Variants in EBF1 observed in about 807,000 individuals in gnomAD.
The protein encoded by EBF1 is EBF transcription factor 1.
In EBF1, 10 loss-of-function variants were observed where a neutral mutation model predicts 68.4. The observed-to-expected ratio is 0.15, with a 90% CI of 0.09 to 0.25. EBF1 has a LOEUF of 0.25. EBF1 is among the 10% of genes least tolerant of loss of function. The pLI is 1.00. For missense variants in EBF1, 509 were observed against 794.4 expected, an observed-to-expected ratio of 0.64 and a Z score of 4.32; for synonymous variants, 298 against 299.8, an observed-to-expected ratio of 0.99 and a Z score of 0.06.
intron 4 of EBF1, among the ~76,000 whole-genome samples, chr5:159,087,378 A>G (rs1780882869): frequency 6.8e-6 from 1 of 146,116 alleles, no homozygotes; most frequent in African/African-American, 2.5e-5. Flanking sequence ...ACACACATAT[A>G]TATACACATA....
chr5:159,062,619 C>T (rs552949329), intron 6 of EBF1, among the ~76,000 whole-genome samples: 231 of 152,302 alleles, frequency 1.5e-3, no homozygotes, highest in Middle Eastern at 6.8e-3. Context: ...GCGCTGCTTG[C>T]ACAGGGGTCT....
intron 6 of EBF1, among the ~76,000 whole-genome samples, chr5:159,016,972 T>C (rs1765725441): frequency 6.6e-6 from 1 of 152,190 alleles, no homozygotes; most frequent in South Asian, 2.1e-4. Context: ...AGAAATATAA[T>C]ACAAGTCACA....
At chr5:158,907,686 C>T (rs1241055935) in intron 6 of EBF1, among the ~76,000 whole-genome samples, 1 of 152,186 alleles carries the variant, frequency 6.6e-6, no homozygotes, top group East Asian at 1.9e-4. Context: ...TCTCCTCTTT[C>T]ACTACTATCA....
chr5:158,741,017 TTAG>T (rs1297528364), intron 10 of EBF1, among the ~76,000 whole-genome samples: 6 of 152,202 alleles, frequency 3.9e-5, no homozygotes, highest in African/African-American at 1.4e-4. Flanking sequence ...TTCCAGCAAC[TTAG>T]TAGGACATAC....
chr5:158,702,596 C>T (rs1290090323), intron 15 of EBF1, among the ~76,000 whole-genome samples: 1 of 151,686 alleles, frequency 6.6e-6, no homozygotes. Flanking sequence ...TGTGGTCGTA[C>T]CCAAACCACC....
At chr5:158,834,146 C>G (rs996738500) in intron 7 of EBF1, among the ~76,000 whole-genome samples, 1 of 152,264 alleles carries the variant, frequency 6.6e-6, no homozygotes, top group Non-Finnish European at 1.5e-5. Context: ...TCTTGTTCTT[C>G]CCTTACCACC....
intron 6 of EBF1, among the ~76,000 whole-genome samples, chr5:158,895,346 C>T (rs867116324): frequency 1.1e-4 from 16 of 152,228 alleles, no homozygotes; most frequent in Middle Eastern, 3.4e-3. Context: ...GGCAACATAG[C>T]GAGGCCCTGT....
At position 158,698,774 on chromosome 5, in the gene EBF1, A is replaced by T. The variant is rs1323651209; in HGVS notation, c.*337T>A. The T allele has an allele frequency of 4.1e-6, 1 of 242,006 alleles. No individual in the cohort carries two copies. Among genetic ancestry groups the T allele is most frequent in the East Asian group, 6.1e-5 (1 of 16,332 alleles). 15.0% of individuals were successfully genotyped at this position (242,006 alleles called of 1,614,324 possible). A position where few individuals can be genotyped will look rare whatever the true frequency, so the allele number is the denominator to read the frequency against. The stretch of plus-strand genomic sequence containing the variant: ...GAGTCTTATTTATAGTGTCCCTTGT[A>T]TAGAGCTTTACGGTTTATAAAAGAC... On this transcript the variant is annotated 3_prime_UTR_variant, in exon 16 of 16. Transcript: ENST00000313708.
chr5:159,023,299 A>T (rs115049173), intron 6 of EBF1, among the ~76,000 whole-genome samples: 3,047 of 152,354 alleles, frequency 0.02, 60 homozygotes, highest in Non-Finnish European at 0.028. Context: ...TGATAGATAC[A>T]GCACTAAAAA....
chr5:158,910,801 T>A (rs2127359801), intron 6 of EBF1, among the ~76,000 whole-genome samples: 1 of 152,318 alleles, frequency 6.6e-6, no homozygotes, highest in East Asian at 1.9e-4. Flanking sequence ...AGGACACCCC[T>A]TAAACAAAGG....
chr5:159,031,049 C>A (rs1244926385), intron 6 of EBF1, among the ~76,000 whole-genome samples: 4 of 152,022 alleles, frequency 2.6e-5, no homozygotes, highest in Non-Finnish European at 5.9e-5. Context: ...TGGTGTGTGC[C>A]TGTAATCCCA....
chr5:158,813,866 A>G (rs754053873), intron 8 of EBF1, among the ~76,000 whole-genome samples: 3 of 152,224 alleles, frequency 2.0e-5, no homozygotes, highest in Non-Finnish European at 4.4e-5. Context: ...AGAAGGGTTT[A>G]TGAACAGCAC....
At chr5:158,921,835 G>A (rs993365606) in intron 6 of EBF1, among the ~76,000 whole-genome samples, 3 of 152,218 alleles carry the variant, frequency 2.0e-5, no homozygotes, top group Non-Finnish European at 4.4e-5. Context: ...GCCAGAACCT[G>A]GGGAAAGATT....
chr5:159,030,742 T>C (rs1768629036), intron 6 of EBF1, among the ~76,000 whole-genome samples: 1 of 152,132 alleles, frequency 6.6e-6, no homozygotes, highest in Admixed American at 6.5e-5. Flanking sequence ...AAAAGGTGAA[T>C]TTAAGCCCAC....
chr5:158,966,645 G>A (rs557120321), intron 6 of EBF1, among the ~76,000 whole-genome samples: 2 of 152,198 alleles, frequency 1.3e-5, no homozygotes, highest in African/African-American at 4.8e-5. Flanking sequence ...TCTTTTTCCT[G>A]TACCTCCTAG....
At chr5:158,814,456 T>C (rs1783323267) in intron 8 of EBF1, among the ~76,000 whole-genome samples, 1 of 152,222 alleles carries the variant, frequency 6.6e-6, no homozygotes, top group South Asian at 2.1e-4. Context: ...ACACCACACT[T>C]TGTGCTTATT....
At chr5:158,835,103 A>T (rs1001687573) in intron 7 of EBF1, among the ~76,000 whole-genome samples, 1 of 152,242 alleles carries the variant, frequency 6.6e-6, no homozygotes, top group African/African-American at 2.4e-5. Context: ...AATGCTAAAA[A>T]GTATAGGTCT....
intron 6 of EBF1, among the ~76,000 whole-genome samples, chr5:158,859,197 C>A (rs1794578601): frequency 6.6e-6 from 1 of 152,188 alleles, no homozygotes; most frequent in South Asian, 2.1e-4. Context: ...GTCTTTAACT[C>A]AAATTAGAAT....
intron 6 of EBF1, among the ~76,000 whole-genome samples, chr5:158,843,167 G>C (rs1239332520): frequency 5.9e-5 from 9 of 152,044 alleles, no homozygotes; most frequent in Non-Finnish European, 1.3e-4. Context: ...GCTTCCCCAG[G>C]GTTGGTAATA....
Sources: allele counts gnomAD v4.1 joint callset (sites outside exome capture counted in the v4.1 genomes callset), GRCh38; gene constraint gnomAD v4.1.1; transcripts MANE v1.5; gene names NCBI Gene and HGNC (gene_info 2026-07-23, HGNC 2026-07-21).